Variants in SEL1L2 observed in about 807,000 individuals in gnomAD.
The protein encoded by SEL1L2 is SEL1L2 adaptor subunit of SYVN1 ubiquitin ligase.
Under a neutral mutation model 98.8 loss-of-function variants are expected in SEL1L2, and 89 were observed. The observed-to-expected ratio is 0.90, with a 90% CI of 0.76 to 1.07. SEL1L2 has a LOEUF of 1.07. Ranked by LOEUF, SEL1L2 falls within the 50% of genes least tolerant of loss-of-function variation. The pLI, the probability that SEL1L2 is intolerant of heterozygous loss-of-function variation, is 0.00. For synonymous variants in SEL1L2, 262 were observed against 278.5 expected (o/e 0.94, Z 0.59); for missense variants, 788 against 812.0 (o/e 0.97, Z 0.36).
At chr20:13,932,435 A>ATTTTT (rs1417890718) in intron 2 of SEL1L2, among the ~76,000 whole-genome samples, 5 of 148,314 alleles carry the variant, frequency 3.4e-5, no homozygotes, top group Non-Finnish European at 6.0e-5. Context: ...TATTATTATT[A>ATTTTT]TTATTATTAT....
intron 18 of SEL1L2, among the ~76,000 whole-genome samples, chr20:13,855,729 G>C (rs541232824): frequency 1.8e-4 from 28 of 152,348 alleles, no homozygotes; most frequent in African/African-American, 6.0e-4. Context: ...GGATGGGAAA[G>C]AGACTGGGGG....
chr20:13,949,757 G>A (rs1013270383), intron 2 of SEL1L2, among the ~76,000 whole-genome samples: 14 of 150,456 alleles, frequency 9.3e-5, no homozygotes, highest in Middle Eastern at 3.4e-3. Flanking sequence ...CTATTGGTGG[G>A]CATGTAAAAT....
intron 11 of SEL1L2, 47 bp from the exon 12 acceptor site, chr20:13,876,162 G>A: frequency 7.6e-7 from 1 of 1,312,504 alleles, no homozygotes. Context: ...AATAATTTGA[G>A]AGTAATGCAA....
intron 2 of SEL1L2, among the ~76,000 whole-genome samples, chr20:13,947,712 T>C (rs1484993669): frequency 6.6e-6 from 1 of 152,220 alleles, no homozygotes; most frequent in Non-Finnish European, 1.5e-5. Context: ...TGACACCCTC[T>C]TTGGGGCACT....
chr20:13,958,718 C>T (rs1198656565), intron 1 of SEL1L2, among the ~76,000 whole-genome samples: 3 of 151,400 alleles, frequency 2.0e-5, no homozygotes, highest in Non-Finnish European at 4.4e-5. Flanking sequence ...GGTCAGATCA[C>T]GAGGTCAGGA....
chr20:13,981,414 C>A (rs537122669), intron 1 of SEL1L2, among the ~76,000 whole-genome samples: 1 of 152,230 alleles, frequency 6.6e-6, no homozygotes, highest in South Asian at 2.1e-4. Flanking sequence ...ATAACGTATT[C>A]TGTATTTCAA....
At chr20:13,919,170 C>T (rs973015446) in intron 3 of SEL1L2, 47 bp from the exon 4 acceptor site, 2 of 1,142,200 alleles carry the variant, frequency 1.8e-6, no homozygotes, top group African/African-American at 3.1e-5. Context: ...CTTCTATGTT[C>T]CATATTTTAA....
At chr20:13,890,015 C>T (rs2047137445) in intron 5 of SEL1L2, among the ~76,000 whole-genome samples, 1 of 152,164 alleles carries the variant, frequency 6.6e-6, no homozygotes, top group African/African-American at 2.4e-5. Flanking sequence ...TTTGAGAACT[C>T]CAGAAACCAG....
At position 13,866,751 on chromosome 20, in the gene SEL1L2, A is replaced by G. The variant is rs533155958; in HGVS notation, c.1355T>C (p.Met452Thr). 6.2e-7 allele frequency: 1 copy of G among 1,611,684 alleles called. No individual in the cohort carries two copies. The highest frequency in any genetic ancestry group is 1.3e-5 in the African/African-American group (1 of 74,774). ...TACTACTCCTGTTCCTGTTGCATACATCTTGGCCAGATAATAAATGGCAAG... is the reference window on the plus strand; with the variant it reads ...TACTACTCCTGTTCCTGTTGCATACGTCTTGGCCAGATAATAAATGGCAAG... ...QPLAIYYLAK[M>T]YATGTGVVRS... is the part of the protein sequence containing the mutation. The change falls in exon 15 of 20, where the codon ATG (methionine) becomes ACG (threonine). Residue 452 changes from methionine to threonine, a missense_variant. Physicochemically the swap from Met to Thr is moderately conservative, Grantham distance 81. Transcript: ENST00000284951.
At chr20:13,890,774 C>G (rs1258299010) in intron 5 of SEL1L2, among the ~76,000 whole-genome samples, 1 of 151,888 alleles carries the variant, frequency 6.6e-6, no homozygotes. Context: ...AAAACAAAAT[C>G]TGGAAAATGA....
At position 13,926,325 on chromosome 20, in the gene SEL1L2, AAATT is replaced by A. The variant is rs1186177900; in HGVS notation, c.283+5274_283+5277del. Among the ~76,000 whole-genome samples, 18 of 152,056 alleles carry A rather than the reference AAATT, an allele frequency of 1.2e-4. No homozygotes were observed. In the East Asian group the frequency reaches 2.1e-3, roughly 18 times the overall value. On this transcript the variant is annotated intron_variant, in intron 3 of 19. Coordinates refer to ENST00000284951, the MANE Select transcript of SEL1L2 (RefSeq NM_025229.2). ...GCGAGACTCCGTTTCAAACAAAAAAAAATTAAATAAATAAAAAATTCAAAAAAAG... is the reference window on the plus strand; with the variant it reads ...GCGAGACTCCGTTTCAAACAAAAAAAAAATAAATAAAAAATTCAAAAAAAG...
At chr20:13,928,791 G>C (rs1306635581) in intron 3 of SEL1L2, among the ~76,000 whole-genome samples, 1 of 152,178 alleles carries the variant, frequency 6.6e-6, no homozygotes, top group Non-Finnish European at 1.5e-5. Flanking sequence ...TAAACTGCCT[G>C]TTAATGTAAA....
intron 1 of SEL1L2, among the ~76,000 whole-genome samples, chr20:13,980,552 G>C (rs1760730182): frequency 6.6e-6 from 1 of 152,044 alleles, no homozygotes; most frequent in Admixed American, 6.6e-5. Flanking sequence ...AATATAAATT[G>C]GTACAGCCAT....
At chr20:13,969,747 C>T (rs1486370931) in intron 1 of SEL1L2, among the ~76,000 whole-genome samples, 1 of 152,184 alleles carries the variant, frequency 6.6e-6, no homozygotes, top group East Asian at 1.9e-4. Flanking sequence ...TGTTATTCAT[C>T]CTTCCAGGAC....
At chr20:13,923,183 T>C (rs2048735178) in intron 3 of SEL1L2, among the ~76,000 whole-genome samples, 1 of 152,378 alleles carries the variant, frequency 6.6e-6, no homozygotes, top group South Asian at 2.1e-4. Context: ...CATTTCTCTC[T>C]AATTACTGTT....
chr20:13,855,189 A>G (rs1254759761), intron 18 of SEL1L2, among the ~76,000 whole-genome samples: 2 of 152,064 alleles, frequency 1.3e-5, no homozygotes, highest in Non-Finnish European at 2.9e-5. Flanking sequence ...CAAAAGGATG[A>G]TATCTCAGGA....
chr20:13,949,088 C>T (rs183630674), intron 2 of SEL1L2, among the ~76,000 whole-genome samples: 2 of 152,172 alleles, frequency 1.3e-5, no homozygotes, highest in African/African-American at 4.8e-5. Context: ...TGAAACGATA[C>T]TATCCACAGA....
intron 5 of SEL1L2, among the ~76,000 whole-genome samples, chr20:13,908,926 T>G (rs2048097541): frequency 6.6e-6 from 1 of 152,102 alleles, no homozygotes; most frequent in African/African-American, 2.4e-5. Flanking sequence ...CCCTTCTATC[T>G]CCTCAATGTC....
At chr20:13,893,693 T>A (rs911872882) in intron 5 of SEL1L2, among the ~76,000 whole-genome samples, 2 of 152,188 alleles carry the variant, frequency 1.3e-5, no homozygotes, top group Non-Finnish European at 2.9e-5. Context: ...CAGACATATG[T>A]GGAACATTCT....
Sources: gnomAD v4.1 joint callset for allele counts (sites outside exome capture counted in the v4.1 genomes callset) on GRCh38, gnomAD v4.1.1 for gene constraint, MANE v1.5 for transcripts, NCBI Gene and HGNC (gene_info 2026-07-23, HGNC 2026-07-21) for gene names.